The following CDH26 variants were observed in gnomAD, a reference collection of about 807,000 sequenced individuals.
CDH26 encodes the protein cadherin 26, also known as cadherin-like protein 26.
CDH26 carries 83 observed loss-of-function variants against 90.3 expected under a neutral mutation model. That is an observed-to-expected ratio of 0.92 (90% CI 0.77 to 1.10). The LOEUF (loss-of-function observed/expected upper bound fraction) is 1.10, where lower values mean the gene tolerates loss of function less well. Ranked by LOEUF, CDH26 falls within the 50% of genes least tolerant of loss-of-function variation. The probability of loss-of-function intolerance (pLI) is 0.00; values close to 1 mark genes in which losing one functional copy is unlikely to be tolerated. For missense variants in CDH26, 1,013 were observed against 1,037.6 expected (o/e 0.98, Z 0.33); for synonymous variants, 397 against 396.3 (o/e 1.00, Z -0.02).
chr20:59,989,042 A>G lies in CDH26; in HGVS notation c.1162A>G (p.Thr388Ala). 6.2e-7 allele frequency: 1 copy of G among 1,614,204 alleles called. No homozygotes were observed. Among genetic ancestry groups the G allele is most frequent in the South Asian group, 1.1e-5 (1 of 91,084 alleles). Residue 388 changes from threonine (T) to alanine (A), a missense_variant, in exon 9 of 18, where the codon ACA becomes GCA. Physicochemically the swap from Thr to Ala is moderately conservative, Grantham distance 58. Transcript: ENST00000348616. The stretch of plus-strand genomic sequence containing the variant: ...CAGCGCCACTGTGAGTGTGCAGGTG[A>G]CAGACGCCAACGACCCACCAGCCTT... ...AASATVSVQV[T>A]DANDPPAFHP...
At chr20:60,033,805 G>GTGTGTGTGTGTT in exon 9 of CDH26, 1 of 1,141,624 alleles carries the variant, frequency 8.8e-7, no homozygotes. Context: ...GTGTGTGTGT[G>GTGTGTGTGTGTT]ATCATGAAGA....
At chr20:60,007,732 GT>G (rs113480441) in intron 17 of CDH26, among the ~76,000 whole-genome samples, 8,469 of 145,666 alleles carry the variant, frequency 0.058, 523 homozygotes, top group African/African-American at 0.16. Flanking sequence ...GTTTCTGCTG[GT>G]TTTTTTTTTT....
intron 4 of CDH26, among the ~76,000 whole-genome samples, chr20:59,982,067 G>T (rs1022412221): frequency 6.6e-6 from 1 of 152,050 alleles, no homozygotes; most frequent in Non-Finnish European, 1.5e-5. Context: ...GGTCATACTA[G>T]TCCTTATTCT....
intron 1 of CDH26, among the ~76,000 whole-genome samples, chr20:59,963,165 G>A (rs2061098172): frequency 6.6e-6 from 1 of 152,004 alleles, no homozygotes; most frequent in African/African-American, 2.4e-5. Flanking sequence ...TGGGGGTTGT[G>A]CATGTGTGTG....
intron 5 of CDH26, 55 bp from the exon 6 acceptor site, chr20:59,984,584 T>C (rs2061429619): frequency 8.9e-6 from 13 of 1,452,832 alleles, no homozygotes; most frequent in Non-Finnish European, 1.0e-5. Flanking sequence ...ATCCTCTTAC[T>C]GGTTTGATAG....
rs1344680317 is a variant in CDH26, at chr20:60,010,101, C to G, written c.2296-2426C>G. Among the ~76,000 whole-genome samples the G allele has an allele frequency of 7.2e-5, 11 of 152,010 alleles. No individual in the cohort carries two copies. In the East Asian group the frequency reaches 1.9e-3, roughly 27 times the overall value. ...ATAGCAGTAGACTGGGGCGGGGAGACAGCATTTCCCACTAAACAAGGGCCC... is the reference window on the plus strand; with the variant it reads ...ATAGCAGTAGACTGGGGCGGGGAGAGAGCATTTCCCACTAAACAAGGGCCC... On this transcript the variant is annotated intron_variant, in intron 17 of 17. Transcript: ENST00000348616.
intron 1 of CDH26, among the ~76,000 whole-genome samples, chr20:59,959,654 C>T (rs191561352): frequency 2.0e-5 from 3 of 152,288 alleles, no homozygotes; most frequent in African/African-American, 7.2e-5. Context: ...CCTGCCTCAG[C>T]CTCCCAAAGT....
chr20:60,005,447 T>C (rs994686637), intron 16 of CDH26, among the ~76,000 whole-genome samples: 2 of 151,586 alleles, frequency 1.3e-5, no homozygotes, highest in African/African-American at 4.9e-5. Flanking sequence ...AACATGTGTA[T>C]GTTTGTCTGT....
At chr20:60,021,365 T>G (rs1297330030) in intron 7 of CDH26, among the ~76,000 whole-genome samples, 1 of 152,212 alleles carries the variant, frequency 6.6e-6, no homozygotes, top group Admixed American at 6.5e-5. Context: ...CCCTTTGTGT[T>G]CCAGCAGCAG....
intron 17 of CDH26, among the ~76,000 whole-genome samples, chr20:60,011,325 A>G (rs974682932): frequency 1.3e-5 from 2 of 152,178 alleles, no homozygotes; most frequent in Admixed American, 6.5e-5. Flanking sequence ...TAACCCACTC[A>G]CTATGATGTA....
intron 4 of CDH26, among the ~76,000 whole-genome samples, chr20:59,982,684 T>C (rs1207508258): frequency 2.0e-5 from 3 of 152,150 alleles, no homozygotes; most frequent in Non-Finnish European, 4.4e-5. Context: ...TAACTGATCA[T>C]TTTTTTCCAA....
chr20:59,969,509 T>C (rs989516631), intron 2 of CDH26, among the ~76,000 whole-genome samples: 2 of 152,220 alleles, frequency 1.3e-5, no homozygotes, highest in African/African-American at 4.8e-5. Context: ...ACTTCACTTA[T>C]AATAGATGGT....
chr20:60,015,800 A>G (rs1053834269), downstream of CDH26, among the ~76,000 whole-genome samples: 1 of 152,120 alleles, frequency 6.6e-6, no homozygotes, highest in African/African-American at 2.4e-5. Context: ...TGATTTCTGT[A>G]TAGGGTGAGA....
In CDH26 at chr20:60,009,644, G is replaced by T. The variant is rs543564191; in HGVS notation, c.2295+2857G>T. On this transcript the variant is annotated intron_variant, in intron 17 of 17. Coordinates refer to ENST00000348616, the MANE Select transcript of CDH26 (RefSeq NM_177980.4). ...GAGAGGAGGGAACACCAGATTAGAGGGCCCTGTTCTTTCCTTGTGAGCCCT... is the reference window on the plus strand; with the variant it reads ...GAGAGGAGGGAACACCAGATTAGAGTGCCCTGTTCTTTCCTTGTGAGCCCT... 2.0e-5 allele frequency among the ~76,000 whole-genome samples: 3 copies of T among 152,088 alleles called. No homozygotes were observed. In the South Asian group the frequency reaches 6.2e-4, roughly 32 times the overall value.
intron 1 of CDH26, among the ~76,000 whole-genome samples, chr20:59,967,981 T>C (rs1470252247): frequency 1.5e-5 from 2 of 129,188 alleles, no homozygotes; most frequent in African/African-American, 3.3e-5. Context: ...CTTTCTTTCT[T>C]TCTTTCTTTC....
At chr20:60,002,180 A>G (rs2061685458) in intron 15 of CDH26, among the ~76,000 whole-genome samples, 1 of 152,222 alleles carries the variant, frequency 6.6e-6, no homozygotes, top group Non-Finnish European at 1.5e-5. Context: ...CAAGATCTCT[A>G]TAATTTCATA....
chr20:60,005,480 G>T (rs535958144), intron 16 of CDH26, among the ~76,000 whole-genome samples: 2,596 of 140,148 alleles, frequency 0.019, 88 homozygotes, highest in African/African-American at 0.066. Context: ...GTATATATCT[G>T]TATGTATGTA....
intron 1 of CDH26, among the ~76,000 whole-genome samples, chr20:59,967,855 T>C (rs1394593616): frequency 1.5e-4 from 17 of 112,760 alleles, no homozygotes; most frequent in African/African-American, 8.3e-4. Flanking sequence ...CTTTCTTTCT[T>C]TCTTTCTTTC....
intron 2 of CDH26, 23 bp downstream of exon 2, chr20:59,969,046 T>A: frequency 6.6e-7 from 1 of 1,522,712 alleles, no homozygotes; most frequent in Non-Finnish European, 9.1e-7. Flanking sequence ...AGTCAGTTTC[T>A]TAATATATAA....
Sources: gnomAD v4.1 joint callset for allele counts (sites outside exome capture counted in the v4.1 genomes callset) on GRCh38, gnomAD v4.1.1 for gene constraint, MANE v1.5 for transcripts, NCBI Gene and HGNC (gene_info 2026-07-23, HGNC 2026-07-21) for gene names.